ARSG: variants seen among roughly 807,000 people sequenced by gnomAD.
ARSG encodes arylsulfatase G, also known as ASG.
In ARSG, 37 loss-of-function variants were observed where a neutral mutation model predicts 50.5. The ratio of observed to expected loss-of-function variants is 0.73; its 90% CI spans 0.56 to 0.96. The LOEUF is 0.96. ARSG is among the 50% of genes least tolerant of loss of function. ARSG has a pLI of 0.00. For synonymous variants in ARSG, 225 were observed against 254.6 expected, an observed-to-expected ratio of 0.88 and a Z score of 1.11; for missense variants, 629 against 675.3, an observed-to-expected ratio of 0.93 and a Z score of 0.76.
intron 2 of ARSG, among the ~76,000 whole-genome samples, chr17:68,322,628 TA>T (rs143585124): frequency 1.4e-4 from 18 of 127,828 alleles, no homozygotes; most frequent in African/African-American, 4.0e-4. Context: ...AAAAATAAAA[TA>T]AAAAAAAATT....
intron 5 of ARSG, among the ~76,000 whole-genome samples, chr17:68,356,428 GT>G (rs1306218434): frequency 6.6e-6 from 1 of 152,188 alleles, no homozygotes; most frequent in East Asian, 1.9e-4. Context: ...GCTCACGAGA[GT>G]CTTTGCAAGC....
At position 68,302,221 on chromosome 17, in the gene ARSG, G is replaced by A. The variant is rs116566705; in HGVS notation, c.-551-4722G>A. Among the ~76,000 whole-genome samples the A allele has an allele frequency of 6.2e-3, 948 of 152,226 alleles. 9 individuals carry two copies. Among genetic ancestry groups the A allele is most frequent in the Middle Eastern group, 0.017 (5 of 294 alleles). Reference sequence around the variant, plus strand: ...TGACAGCCCCTGATGGCTCGTGGCCGCCAGCCAGCACACAGACCATGTTCT... The same window carrying A: ...TGACAGCCCCTGATGGCTCGTGGCCACCAGCCAGCACACAGACCATGTTCT... On this transcript the variant is annotated intron_variant, in intron 1 of 11. Coordinates refer to ENST00000621439, the MANE Select transcript of ARSG (RefSeq NM_001267727.2).
At chr17:68,353,067 G>A (rs957722486) in intron 5 of ARSG, among the ~76,000 whole-genome samples, 1 of 152,040 alleles carries the variant, frequency 6.6e-6, no homozygotes, top group African/African-American at 2.4e-5. Context: ...GGTATTTATT[G>A]AGAAATTGTT....
the ARSG span, chr17:68,430,253 C>A: frequency 7.6e-7 from 1 of 1,307,896 alleles, no homozygotes. Context: ...AGCCACACTC[C>A]CCGCAGCAGG....
chr17:68,384,979 G>T (rs2080628355), intron 8 of ARSG, 85 bp from the exon 9 acceptor site: 9 of 1,087,678 alleles, frequency 8.3e-6, no homozygotes, highest in African/African-American at 1.6e-5. Context: ...CTCAGAGAGG[G>T]GTTCTCCCAG....
chr17:68,446,780 T>C, the ARSG span, among the ~76,000 whole-genome samples: 1 of 152,164 alleles, frequency 6.6e-6, no homozygotes, highest in Non-Finnish European at 1.5e-5. Flanking sequence ...AGCATCTACA[T>C]CTAGCCCATC....
chr17:68,324,382 G>A (rs1315903418), intron 2 of ARSG, among the ~76,000 whole-genome samples: 1 of 152,130 alleles, frequency 6.6e-6, no homozygotes, highest in Admixed American at 6.5e-5. Flanking sequence ...GCACCACCAA[G>A]CATGACTCTC....
At chr17:68,419,044 A>C (rs1351304873) in intron 11 of ARSG, among the ~76,000 whole-genome samples, 3 of 150,030 alleles carry the variant, frequency 2.0e-5, no homozygotes, top group African/African-American at 7.3e-5. Context: ...AGTCATCGGA[A>C]TCATAAAGAG....
intron 2 of ARSG, among the ~76,000 whole-genome samples, chr17:68,323,759 A>G (rs17774757): frequency 0.12 from 18,190 of 152,188 alleles, 1,407 homozygotes; most frequent in Middle Eastern, 0.21. Context: ...GCCTTTGAGT[A>G]TCCCAGACCC....
intron 9 of ARSG, among the ~76,000 whole-genome samples, chr17:68,394,450 T>A (rs966512021): frequency 6.6e-6 from 1 of 151,754 alleles, no homozygotes; most frequent in East Asian, 1.9e-4. Flanking sequence ...AAAAAATAAA[T>A]AAATAAATAA....
intron 1 of ARSG, among the ~76,000 whole-genome samples, chr17:68,292,239 C>T (rs1201741899): frequency 2.6e-5 from 4 of 152,130 alleles, no homozygotes; most frequent in African/African-American, 7.2e-5. Flanking sequence ...CGCGCGCGCA[C>T]CCTCCAGGCA....
At chr17:68,376,002 C>A (rs2080124884) in intron 8 of ARSG, among the ~76,000 whole-genome samples, 1 of 152,112 alleles carries the variant, frequency 6.6e-6, no homozygotes, top group Non-Finnish European at 1.5e-5. Flanking sequence ...TTAAGTTGTT[C>A]AGTTAAGTAG....
At chr17:68,316,969 A>G (rs1376352495) in intron 2 of ARSG, among the ~76,000 whole-genome samples, 7 of 151,914 alleles carry the variant, frequency 4.6e-5, no homozygotes, top group Non-Finnish European at 7.4e-5. Context: ...CCTAGACCAA[A>G]TCCCCAAGTC....
intron 11 of ARSG, among the ~76,000 whole-genome samples, chr17:68,404,392 A>G (rs1412320919): frequency 1.3e-5 from 2 of 152,244 alleles, no homozygotes; most frequent in Non-Finnish European, 2.9e-5. Context: ...GCCCAGATCT[A>G]TAATGTATAA....
intron 1 of ARSG, among the ~76,000 whole-genome samples, chr17:68,280,999 A>G (rs1316505190): frequency 1.3e-5 from 2 of 151,840 alleles, no homozygotes; most frequent in African/African-American, 2.4e-5. Context: ...GGTGGCACAC[A>G]CCTGTAGTCC....
intron 1 of ARSG, among the ~76,000 whole-genome samples, chr17:68,303,341 G>C: frequency 6.6e-6 from 1 of 152,098 alleles, no homozygotes; most frequent in Non-Finnish European, 1.5e-5. Context: ...GCCCAGGCTG[G>C]TCTCCAACTC....
chr17:68,417,963 C>T (rs2082499348), intron 11 of ARSG, among the ~76,000 whole-genome samples: 1 of 151,890 alleles, frequency 6.6e-6, no homozygotes, highest in Admixed American at 6.6e-5. Flanking sequence ...AACTCCTGAC[C>T]TCATGATCCG....
chr17:68,292,629 G>A (rs1314376268), intron 1 of ARSG, among the ~76,000 whole-genome samples: 2 of 152,218 alleles, frequency 1.3e-5, no homozygotes, highest in Non-Finnish European at 2.9e-5. Context: ...AGAGAGCCTA[G>A]TTTGGGAGTG....
intron 8 of ARSG, among the ~76,000 whole-genome samples, chr17:68,373,356 A>T (rs975241954): frequency 2.7e-5 from 4 of 149,638 alleles, no homozygotes; most frequent in African/African-American, 9.9e-5. Flanking sequence ...CAGCCTTCCT[A>T]GTAGCTGTGA....
Sources: gnomAD v4.1 joint callset for allele counts (sites outside exome capture counted in the v4.1 genomes callset) on GRCh38, gnomAD v4.1.1 for gene constraint, MANE v1.5 for transcripts, NCBI Gene and HGNC (gene_info 2026-07-23, HGNC 2026-07-21) for gene names.